The following FSTL5 variants were observed in gnomAD, a reference collection of about 807,000 sequenced individuals.
The protein encoded by FSTL5 is follistatin like 5.
A neutral mutation model predicts 89.1 loss-of-function variants in FSTL5; 62 were observed. The ratio of observed to expected loss-of-function variants is 0.70; its 90% CI spans 0.57 to 0.86. The LOEUF is 0.86. FSTL5 is among the 40% of genes least tolerant of loss of function. The probability of loss-of-function intolerance (pLI) is 0.00; values close to 1 mark genes in which losing one functional copy is unlikely to be tolerated. For synonymous variants in FSTL5, 383 were observed against 346.2 expected (o/e 1.11, Z -1.18); for missense variants, 1,057 against 1,001.6 (o/e 1.06, Z -0.75).
At chr4:161,997,077 G>A (rs1278799977) in intron 3 of FSTL5, among the ~76,000 whole-genome samples, 1 of 152,048 alleles carries the variant, frequency 6.6e-6, no homozygotes, top group Non-Finnish European at 1.5e-5. Flanking sequence ...TTATTTTATT[G>A]TTTTACAACA....
At chr4:161,794,573 G>A (rs1050670087) in intron 4 of FSTL5, among the ~76,000 whole-genome samples, 10 of 151,986 alleles carry the variant, frequency 6.6e-5, no homozygotes, top group African/African-American at 2.2e-4. Context: ...ATACATATAG[G>A]GACAAACTAG....
intron 2 of FSTL5, among the ~76,000 whole-genome samples, chr4:162,074,301 T>C (rs1231002203): frequency 2.0e-5 from 3 of 151,828 alleles, no homozygotes; most frequent in Admixed American, 1.3e-4. Context: ...TTTATTATTG[T>C]TTAAATTACC....
chr4:162,100,428 G>C (rs1730949704), intron 2 of FSTL5, among the ~76,000 whole-genome samples: 1 of 152,010 alleles, frequency 6.6e-6, no homozygotes, highest in Non-Finnish European at 1.5e-5. Flanking sequence ...GGTGTGGTGA[G>C]GAAATTCCAA....
At chr4:161,495,043 A>G (rs371922291) in intron 12 of FSTL5, 1 of 152,332 alleles carries the variant, frequency 6.6e-6, no homozygotes, top group East Asian at 1.9e-4. Context: ...ACCTGGGCGA[A>G]TGAGTGAGAT....
intron 2 of FSTL5, among the ~76,000 whole-genome samples, chr4:162,043,786 A>G (rs755244390): frequency 2.6e-5 from 4 of 152,202 alleles, no homozygotes; most frequent in Non-Finnish European, 5.9e-5. Flanking sequence ...CGTTGACAGC[A>G]TCTTCACAAG....
At chr4:161,859,785 T>C (rs1003924307) in intron 4 of FSTL5, among the ~76,000 whole-genome samples, 2 of 152,120 alleles carry the variant, frequency 1.3e-5, no homozygotes, top group Non-Finnish European at 2.9e-5. Context: ...TTAAGTGCTA[T>C]TATGTTCATG....
At chr4:161,565,598 T>C (rs755989127) in intron 8 of FSTL5, among the ~76,000 whole-genome samples, 4 of 151,824 alleles carry the variant, frequency 2.6e-5, no homozygotes, top group Non-Finnish European at 5.9e-5. Context: ...AGCTTGCTGT[T>C]TGCCCGCCAC....
At chr4:161,688,947 T>A (rs932191908) in intron 6 of FSTL5, among the ~76,000 whole-genome samples, 2 of 152,316 alleles carry the variant, frequency 1.3e-5, no homozygotes, top group Non-Finnish European at 2.9e-5. Context: ...CTGATTTTAT[T>A]AGCCCTATTA....
intron 15 of FSTL5, among the ~76,000 whole-genome samples, chr4:161,429,002 G>A (rs569917437): frequency 6.6e-6 from 1 of 152,234 alleles, no homozygotes; most frequent in African/African-American, 2.4e-5. Flanking sequence ...CCACTGCTGT[G>A]AAGTAAGAGT....
At chr4:161,608,346 C>T (rs553464056) in intron 7 of FSTL5, among the ~76,000 whole-genome samples, 4 of 152,158 alleles carry the variant, frequency 2.6e-5, no homozygotes, top group South Asian at 4.1e-4. Context: ...CAGTTCACCT[C>T]GGTACCAATG....
intron 10 of FSTL5, among the ~76,000 whole-genome samples, chr4:161,522,299 T>C (rs1363737113): frequency 6.6e-6 from 1 of 152,112 alleles, no homozygotes; most frequent in African/African-American, 2.4e-5. Context: ...ACTGTGGCTG[T>C]GGTAAGAATG....
intron 4 of FSTL5, among the ~76,000 whole-genome samples, chr4:161,821,001 T>G (rs1197052132): frequency 6.6e-6 from 1 of 151,996 alleles, no homozygotes; most frequent in East Asian, 1.9e-4. Context: ...ATTTGTACAT[T>G]TTTTAAGATA....
intron 12 of FSTL5, among the ~76,000 whole-genome samples, chr4:161,494,298 T>C (rs1729990258): frequency 6.6e-6 from 1 of 152,074 alleles, no homozygotes; most frequent in Non-Finnish European, 1.5e-5. Context: ...TGAAAGACAG[T>C]GGTGTTGTAT....
At chr4:161,839,966 A>T (rs359120) in intron 4 of FSTL5, among the ~76,000 whole-genome samples, 152,318 of 152,328 alleles carry the variant, frequency 1, 76,154 homozygotes, top group Middle Eastern at 1. Context: ...AGGCTGGAAT[A>T]TTGAGTGACA....
intron 6 of FSTL5, among the ~76,000 whole-genome samples, chr4:161,739,324 G>A (rs1358078180): frequency 1.3e-5 from 2 of 152,138 alleles, no homozygotes; most frequent in Admixed American, 1.3e-4. Context: ...TACAAGCCAA[G>A]GAGAGATGCC....
rs1005741140 is a variant in FSTL5, at chr4:161,977,763, C to G, written c.160+55862G>C. 4.6e-5 allele frequency among the ~76,000 whole-genome samples: 7 copies of G among 151,154 alleles called. No individual in the cohort carries two copies. In the East Asian group the frequency reaches 1.4e-3, roughly 29 times the overall value. On this transcript the variant is annotated intron_variant, in intron 3 of 15. Coordinates refer to ENST00000306100, the MANE Select transcript of FSTL5 (RefSeq NM_020116.5). The stretch of plus-strand genomic sequence containing the variant: ...GGCAACAAGAAATTGGAATTCAAAT[C>G]CAACTATAAGTGAACCCACTATCCC...
chr4:162,011,616 C>T (rs1464417963), intron 3 of FSTL5, among the ~76,000 whole-genome samples: 2 of 152,070 alleles, frequency 1.3e-5, no homozygotes, highest in Non-Finnish European at 2.9e-5. Context: ...GCCTCAGTCT[C>T]CCAAGTAGCT....
chr4:161,749,676 C>G (rs1031423006), intron 6 of FSTL5, among the ~76,000 whole-genome samples: 2 of 151,962 alleles, frequency 1.3e-5, no homozygotes, highest in Non-Finnish European at 1.5e-5. Context: ...CCTGTAGTCC[C>G]AGCTACTCGG....
intron 15 of FSTL5, among the ~76,000 whole-genome samples, chr4:161,420,293 G>A (rs1731937018): frequency 6.6e-6 from 1 of 152,168 alleles, no homozygotes; most frequent in African/African-American, 2.4e-5. Context: ...ATAAATACTA[G>A]CTACGGCCAT....
Sources: gnomAD v4.1 joint callset for allele counts (sites outside exome capture counted in the v4.1 genomes callset) on GRCh38, gnomAD v4.1.1 for gene constraint, MANE v1.5 for transcripts, NCBI Gene and HGNC (gene_info 2026-07-23, HGNC 2026-07-21) for gene names.